RIMS1: variants seen among roughly 807,000 people sequenced by gnomAD.
RIMS1 encodes the protein regulating synaptic membrane exocytosis protein 1.
RIMS1 carries 83 observed loss-of-function variants against 214.1 expected under a neutral mutation model. The observed-to-expected ratio is 0.39, with a 90% CI of 0.32 to 0.47. The LOEUF is 0.47. Ranked by LOEUF, RIMS1 falls within the 20% of genes least tolerant of loss-of-function variation. The pLI is 0.99. For synonymous variants in RIMS1, 793 were observed against 786.8 expected, an observed-to-expected ratio of 1.01 and a Z score of -0.13; for missense variants, 2,050 against 2,161.8, an observed-to-expected ratio of 0.95 and a Z score of 1.03.
At chr6:72,005,498 A>T (rs966098847) in intron 2 of RIMS1, among the ~76,000 whole-genome samples, 4 of 152,234 alleles carry the variant, frequency 2.6e-5, no homozygotes, top group African/African-American at 9.6e-5. Context: ...CTGATTAATC[A>T]ATTGCTGGGA....
At chr6:72,393,582 C>T (rs930232581) in intron 31 of RIMS1, among the ~76,000 whole-genome samples, 1 of 151,952 alleles carries the variant, frequency 6.6e-6, no homozygotes, top group Non-Finnish European at 1.5e-5. Context: ...AAAAAATTAG[C>T]CGGGCATAGT....
intron 4 of RIMS1, among the ~76,000 whole-genome samples, chr6:72,106,722 A>G (rs1210486233): frequency 6.6e-6 from 1 of 152,188 alleles, no homozygotes; most frequent in African/African-American, 2.4e-5. Context: ...TTACTTTGTT[A>G]AATTACGTGT....
At chr6:72,029,534 C>G (rs912936853) in intron 2 of RIMS1, among the ~76,000 whole-genome samples, 10 of 152,092 alleles carry the variant, frequency 6.6e-5, no homozygotes, top group South Asian at 2.1e-4. Flanking sequence ...GGGCCCTCAC[C>G]AGACACTGAA....
At chr6:72,001,104 CT>C (rs1263418986) in intron 2 of RIMS1, among the ~76,000 whole-genome samples, 1 of 152,176 alleles carries the variant, frequency 6.6e-6, no homozygotes, top group African/African-American at 2.4e-5. Flanking sequence ...CACTCATTAT[CT>C]GAAGCTGAAA....
intron 2 of RIMS1, among the ~76,000 whole-genome samples, chr6:71,999,897 T>C (rs1016854825): frequency 6.6e-6 from 1 of 152,162 alleles, no homozygotes; most frequent in Non-Finnish European, 1.5e-5. Context: ...TCCTGTGTCA[T>C]TGTACTGTTC....
chr6:71,935,723 T>G (rs921286879), intron 1 of RIMS1, among the ~76,000 whole-genome samples: 1 of 152,246 alleles, frequency 6.6e-6, no homozygotes, highest in African/African-American at 2.4e-5. Context: ...AACTGAGGGC[T>G]GCAGGAACTG....
chr6:72,351,849 A>G (rs994596183), intron 29 of RIMS1, among the ~76,000 whole-genome samples: 3 of 152,204 alleles, frequency 2.0e-5, no homozygotes, highest in South Asian at 4.1e-4. Flanking sequence ...AAATTATAAC[A>G]TGTATATCTA....
intron 2 of RIMS1, among the ~76,000 whole-genome samples, chr6:71,985,258 G>A (rs980815845): frequency 3.3e-5 from 5 of 152,090 alleles, no homozygotes; most frequent in African/African-American, 9.7e-5. Flanking sequence ...AGGCATGGTG[G>A]CGTGTGCCTG....
chr6:72,107,053 C>A (rs1187153193), intron 4 of RIMS1, among the ~76,000 whole-genome samples: 1 of 152,190 alleles, frequency 6.6e-6, no homozygotes, highest in African/African-American at 2.4e-5. Context: ...AGGGTCAGAG[C>A]AGCTCAAATG....
chr6:71,974,223 T>C (rs1796597481), intron 2 of RIMS1, among the ~76,000 whole-genome samples: 1 of 151,976 alleles, frequency 6.6e-6, no homozygotes, highest in East Asian at 1.9e-4. Flanking sequence ...GATGCCAAGG[T>C]AACATAAAAT....
chr6:72,253,798 A>C (rs1035213538), intron 16 of RIMS1, among the ~76,000 whole-genome samples: 1 of 152,154 alleles, frequency 6.6e-6, no homozygotes, highest in Non-Finnish European at 1.5e-5. Context: ...ACTGGGAGAA[A>C]ATTATGGAGA....
chr6:72,361,096 CTTTTTTTTTTTTTTT>C (rs70994124), intron 29 of RIMS1, among the ~76,000 whole-genome samples: 2 of 54,434 alleles, frequency 3.7e-5, no homozygotes, highest in South Asian at 7.2e-4. Flanking sequence ...GTCTTTCTTT[CTTTTTTTTTTTTTTT>C]TTTTTTTTTT....
At chr6:72,314,614 T>C (rs2095669000) in intron 28 of RIMS1, among the ~76,000 whole-genome samples, 1 of 152,144 alleles carries the variant, frequency 6.6e-6, no homozygotes, top group African/African-American at 2.4e-5. Flanking sequence ...TCTTTTATCT[T>C]TACTTTTGGT....
chr6:72,188,219 C>T (rs113465984), intron 6 of RIMS1, among the ~76,000 whole-genome samples: 2,180 of 152,284 alleles, frequency 0.014, 17 homozygotes, highest in Non-Finnish European at 0.017. Context: ...ACTTTGCATC[C>T]TTCAATCCTG....
intron 1 of RIMS1, among the ~76,000 whole-genome samples, chr6:71,915,527 C>T (rs1262534684): frequency 6.6e-6 from 1 of 152,180 alleles, no homozygotes; most frequent in Non-Finnish European, 1.5e-5. Context: ...CCTTGCTCCA[C>T]AAACTCTGTT....
chr6:71,963,717 TAATC>T (rs1484842373), intron 1 of RIMS1, among the ~76,000 whole-genome samples: 2 of 152,160 alleles, frequency 1.3e-5, no homozygotes, highest in African/African-American at 4.8e-5. Context: ...TTAGTGAAGT[TAATC>T]AAATCATAAA....
At chr6:72,274,974 G>T (rs1485918098) in intron 23 of RIMS1, among the ~76,000 whole-genome samples, 1 of 150,882 alleles carries the variant, frequency 6.6e-6, no homozygotes, top group Non-Finnish European at 1.5e-5. Context: ...AGGGCTAAGG[G>T]GTCAGTCCCC....
chr6:71,962,868 T>C (rs564491191), intron 1 of RIMS1, among the ~76,000 whole-genome samples: 24 of 152,282 alleles, frequency 1.6e-4, no homozygotes, highest in African/African-American at 5.8e-4. Flanking sequence ...TTTCTCTACG[T>C]ACCAGATAAT....
chr6:72,378,520 T>G (rs888668582), intron 29 of RIMS1, among the ~76,000 whole-genome samples: 2 of 152,196 alleles, frequency 1.3e-5, no homozygotes, highest in Non-Finnish European at 2.9e-5. Context: ...TGTTTCAGAA[T>G]ATTAAACTAT....
Sources: allele counts gnomAD v4.1 joint callset (sites outside exome capture counted in the v4.1 genomes callset), GRCh38; gene constraint gnomAD v4.1.1; transcripts MANE v1.5; gene names NCBI Gene and HGNC (gene_info 2026-07-23, HGNC 2026-07-21).